The following SAXO1 variants were observed in gnomAD, a reference collection of about 807,000 sequenced individuals.
The protein encoded by SAXO1 is 4930500O09Rik.
A neutral mutation model predicts 17.5 loss-of-function variants in SAXO1; 21 were observed. The observed-to-expected ratio is 1.20, with a 90% CI of 0.85 to 1.72. The LOEUF (loss-of-function observed/expected upper bound fraction) is 1.72, where lower values mean the gene tolerates loss of function less well. Ranked by LOEUF, SAXO1 falls within the 40% of genes most tolerant of loss-of-function variation. The pLI is 0.00. For missense variants in SAXO1, 843 were observed against 596.0 expected (o/e 1.41, Z -4.32); for synonymous variants, 274 against 216.5 (o/e 1.27, Z -2.33).
At chr9:19,044,807 G>C (rs952254158) in intron 1 of SAXO1, among the ~76,000 whole-genome samples, 1 of 151,844 alleles carries the variant, frequency 6.6e-6, no homozygotes, top group Non-Finnish European at 1.5e-5. Flanking sequence ...AGCTTGCAGT[G>C]AGCCGAGATG....
At chr9:18,947,767 C>T (rs546673199) in intron 2 of SAXO1, 4 of 152,202 alleles carry the variant, frequency 2.6e-5, no homozygotes, top group African/African-American at 9.7e-5. Flanking sequence ...GAGTTTCACA[C>T]TAAGAATGGC....
At chr9:18,978,297 A>C (rs372847280) in intron 1 of SAXO1, among the ~76,000 whole-genome samples, 4 of 152,100 alleles carry the variant, frequency 2.6e-5, no homozygotes, top group East Asian at 3.9e-4. Flanking sequence ...CGCTTCCCAA[A>C]GCTCAACCTT....
At chr9:19,010,613 C>T (rs1232758767) in intron 1 of SAXO1, among the ~76,000 whole-genome samples, 1 of 152,150 alleles carries the variant, frequency 6.6e-6, no homozygotes, top group Non-Finnish European at 1.5e-5. Flanking sequence ...CCCTTCTGTA[C>T]TCTTTACTTG....
chr9:19,034,194 C>A (rs1406969400), upstream of SAXO1, among the ~76,000 whole-genome samples: 1 of 152,176 alleles, frequency 6.6e-6, no homozygotes, highest in East Asian at 1.9e-4. Flanking sequence ...CTAACTCTTT[C>A]CATTCATTTT....
intron 1 of SAXO1, among the ~76,000 whole-genome samples, chr9:19,021,670 A>G (rs1360467482): frequency 2.0e-5 from 3 of 152,258 alleles, no homozygotes; most frequent in Non-Finnish European, 2.9e-5. Context: ...CCCAACAGTC[A>G]TAGTGAGAGG....
intron 1 of SAXO1, among the ~76,000 whole-genome samples, chr9:18,963,299 T>C (rs1384218950): frequency 6.6e-6 from 1 of 152,198 alleles, no homozygotes; most frequent in Non-Finnish European, 1.5e-5. Context: ...CTTTTTTTGG[T>C]TCCATAAGAA....
chr9:19,045,615 C>T (rs187472717), intron 1 of SAXO1, among the ~76,000 whole-genome samples: 153 of 152,278 alleles, frequency 1.0e-3, no homozygotes, highest in Middle Eastern at 3.4e-3. Flanking sequence ...TATACACACC[C>T]CATCCCAGTA....
chr9:18,998,788 G>GA (rs780910316), intron 1 of SAXO1, among the ~76,000 whole-genome samples: 11 of 152,104 alleles, frequency 7.2e-5, no homozygotes, highest in Non-Finnish European at 8.8e-5. Flanking sequence ...CTACAAGCCA[G>GA]AAAAAGGGGC....
At position 19,033,076 on chromosome 9, in the gene SAXO1, G is replaced by T. The variant is rs945868080; in HGVS notation, c.-168C>A. The T allele has an allele frequency of 4.7e-6, 3 of 635,736 alleles. No homozygotes were observed. The Admixed American group carries it at 1.0e-4, about 22-fold the overall frequency. 39.4% of individuals were successfully genotyped at this position (635,736 alleles called of 1,614,324 possible). On this transcript the variant is annotated 5_prime_UTR_variant, in exon 1 of 4. Coordinates refer to ENST00000380534, the MANE Select transcript of SAXO1 (RefSeq NM_153707.4). ...GCCCTTTTGCAATGTCCTGTCGTCT[G>T]TTGCCCTCCTGGAGCTGGCCTAGCG...
chr9:19,036,127 G>T (rs1270084104), upstream of SAXO1, among the ~76,000 whole-genome samples: 2 of 151,374 alleles, frequency 1.3e-5, no homozygotes, highest in African/African-American at 2.4e-5. Context: ...CTGGGGGAGG[G>T]AGAGCATTAG....
At chr9:19,018,159 C>T (rs1167609683) in intron 1 of SAXO1, among the ~76,000 whole-genome samples, 3 of 151,328 alleles carry the variant, frequency 2.0e-5, no homozygotes, top group Non-Finnish European at 4.4e-5. Flanking sequence ...CAGAGCAAGA[C>T]CCCATCTCAA....
chr9:19,046,599 G>A (rs1588581781), intron 1 of SAXO1, among the ~76,000 whole-genome samples: 1 of 152,150 alleles, frequency 6.6e-6, no homozygotes, highest in Non-Finnish European at 1.5e-5. Flanking sequence ...CTACTTGGGA[G>A]GCTGAGGCAG....
At chr9:19,025,493 ATAACTGATT>A (rs1236438400) in intron 1 of SAXO1, among the ~76,000 whole-genome samples, 1 of 152,242 alleles carries the variant, frequency 6.6e-6, no homozygotes, top group African/African-American at 2.4e-5. Context: ...CCTGGTTAAC[ATAACTGATT>A]TAAGTTGCAG....
chr9:19,027,045 G>C (rs1476752904), intron 1 of SAXO1: 12 of 839,160 alleles, frequency 1.4e-5, no homozygotes, highest in Non-Finnish European at 2.5e-5. Flanking sequence ...TGAGCTCCAA[G>C]CCATGAAGGA....
At chr9:19,024,541 T>A (rs964940920) in intron 1 of SAXO1, among the ~76,000 whole-genome samples, 1 of 152,048 alleles carries the variant, frequency 6.6e-6, no homozygotes, top group African/African-American at 2.4e-5. Context: ...CATGTATAGA[T>A]ATGTAACTAA....
chr9:18,979,157 T>G (rs1833268960), intron 1 of SAXO1, among the ~76,000 whole-genome samples: 1 of 152,174 alleles, frequency 6.6e-6, no homozygotes, highest in Non-Finnish European at 1.5e-5. Flanking sequence ...TCCAAAGCAC[T>G]AGGCTAGACA....
chr9:19,020,807 G>C (rs1835198471), intron 1 of SAXO1, among the ~76,000 whole-genome samples: 1 of 152,182 alleles, frequency 6.6e-6, no homozygotes, highest in Non-Finnish European at 1.5e-5. Flanking sequence ...TAACAATAGA[G>C]TTCTAGGGCA....
chr9:18,989,555 T>G (rs890012054), intron 1 of SAXO1, among the ~76,000 whole-genome samples: 2 of 106,890 alleles, frequency 1.9e-5, no homozygotes, highest in Non-Finnish European at 4.6e-5. Flanking sequence ...TTAGCCATTA[T>G]GCACACACAC....
At chr9:18,937,294 G>C (rs1443768520) in intron 3 of SAXO1, among the ~76,000 whole-genome samples, 1 of 152,176 alleles carries the variant, frequency 6.6e-6, no homozygotes, top group Non-Finnish European at 1.5e-5. Context: ...AATAGCCTGG[G>C]TGGGGATTTG....
Sources: gnomAD v4.1 joint callset for allele counts (sites outside exome capture counted in the v4.1 genomes callset) on GRCh38, gnomAD v4.1.1 for gene constraint, MANE v1.5 for transcripts, NCBI Gene and HGNC (gene_info 2026-07-23, HGNC 2026-07-21) for gene names.